LSM14B: variants seen among roughly 807,000 people sequenced by gnomAD.
LSM14B encodes protein LSM14 homolog B.
In LSM14B, 8 loss-of-function variants were observed where a neutral mutation model predicts 42.1. That is an observed-to-expected ratio of 0.19 (90% CI 0.11 to 0.34). The LOEUF is 0.34. LSM14B is among the 10% of genes least tolerant of loss of function. The probability of loss-of-function intolerance (pLI) is 1.00; values close to 1 mark genes in which losing one functional copy is unlikely to be tolerated. For synonymous variants in LSM14B, 219 were observed against 209.7 expected (o/e 1.04, Z -0.38); for missense variants, 396 against 513.1 (o/e 0.77, Z 2.21).
At chr20:62,133,074 C>T (rs750742642) in intron 7 of LSM14B, among the ~76,000 whole-genome samples, 10 of 152,252 alleles carry the variant, frequency 6.6e-5, no homozygotes, top group Middle Eastern at 3.4e-3. Context: ...AGATGGATCC[C>T]GATCCCCGGC....
chr20:62,127,440 C>G (rs1179506824), intron 3 of LSM14B: 2 of 636,522 alleles, frequency 3.1e-6, no homozygotes, highest in Non-Finnish European at 5.5e-6. Context: ...CCCAGCCCAG[C>G]TCTCTGGGTT....
chr20:62,134,556 C>T lies in LSM14B; in HGVS notation c.*408C>T, dbSNP rs895891761. ...TGGCAGAGGTGGCAGCCAAGTACAT[C>T]TCTGTAACCCAGCTGGCCCCTGGTG... On this transcript the variant is annotated 3_prime_UTR_variant, in exon 9 of 9. Transcript: ENST00000279068. The T allele has an allele frequency of 1.7e-5, 5 of 288,458 alleles. No individual in the cohort carries two copies. The highest frequency in any genetic ancestry group is 2.6e-5 in the Non-Finnish European group (4 of 151,844). 17.9% of individuals were successfully genotyped at this position (288,458 alleles called of 1,614,324 possible). A position where few individuals can be genotyped will look rare whatever the true frequency, so the allele number is the denominator to read the frequency against.
At chr20:62,124,528 C>T (rs529435916) in intron 1 of LSM14B, 89 bp from the exon 2 acceptor site, 7 of 1,429,782 alleles carry the variant, frequency 4.9e-6, no homozygotes, top group East Asian at 4.6e-5. Context: ...CAAGTGTCGC[C>T]GTCTTTTGGA....
chr20:62,126,382 G>A lies in LSM14B; in HGVS notation c.370G>A (p.Gly124Ser), dbSNP rs764265111. 7 of 1,612,298 alleles carry A rather than the reference G, an allele frequency of 4.3e-6. No homozygotes were observed. Among genetic ancestry groups the A allele is most frequent in the Admixed American group, 1.7e-5 (1 of 59,974 alleles). Residue 124 changes from glycine to serine, a missense_variant, in exon 3 of 9, where the codon GGC becomes AGC. Transcript: ENST00000279068. ...CCCTTTCCGAGGGATGGCGCCCTACGGCCCGCTGGCGGCCAGCTCCCTGCT... is the reference window on the plus strand; with the variant it reads ...CCCTTTCCGAGGGATGGCGCCCTACAGCCCGCTGGCGGCCAGCTCCCTGCT... ...YSPFRGMAPYGPLAASSLLSQ... is the reference protein window; with the variant it reads ...YSPFRGMAPYSPLAASSLLSQ...
intron 3 of LSM14B, 104 bp downstream of exon 3, chr20:62,126,543 C>G: frequency 7.0e-7 from 1 of 1,421,390 alleles, no homozygotes; most frequent in Non-Finnish European, 9.5e-7. Context: ...TCATGCTCAG[C>G]TTGTAGACTG....
intron 8 of LSM14B, among the ~76,000 whole-genome samples, chr20:62,133,723 G>A (rs989391992): frequency 6.6e-6 from 1 of 152,248 alleles, no homozygotes; most frequent in African/African-American, 2.4e-5. Flanking sequence ...TATGGGAGGT[G>A]AGGTGGTGCG....
In LSM14B at chr20:62,122,772, T is replaced by C; in HGVS notation, c.106T>C (p.Ser36Pro). The C allele has an allele frequency of 6.6e-7, 1 of 1,506,420 alleles. No homozygotes were observed. The highest frequency in any genetic ancestry group is 8.9e-7 in the Non-Finnish European group (1 of 1,121,800). 93.3% of individuals were successfully genotyped at this position (1,506,420 alleles called of 1,614,324 possible). A position where few individuals can be genotyped will look rare whatever the true frequency, so the allele number is the denominator to read the frequency against. ...GILYTIDTDN[S>P]TVALAKVRSF... ...TCTCTACACCATCGACACCGACAACTCCACCGTGGCGCTCGCCAAAGGTAG... is the reference window on the plus strand; with the variant it reads ...TCTCTACACCATCGACACCGACAACCCCACCGTGGCGCTCGCCAAAGGTAG... Residue 36 changes from serine to proline, a missense_variant, in exon 1 of 9, where the codon TCC (serine) becomes CCC (proline). Physicochemically the swap from Ser to Pro is moderately conservative, Grantham distance 74. Around this residue, in one of 3 missense-constraint regions of LSM14B, gnomAD observed 274 missense variants for 335.8 expected, o/e 0.82. Coordinates refer to ENST00000279068, the MANE Select transcript of LSM14B (RefSeq NM_144703.3). The surrounding 1 kb of genome is among the most constrained non-coding windows in gnomAD (Gnocchi z 4.6).
In LSM14B at chr20:62,122,591, C is replaced by T. The variant is rs1443902403; in HGVS notation, c.-76C>T. 1.1e-5 allele frequency: 11 copies of T among 1,010,014 alleles called. No homozygotes were observed. Among genetic ancestry groups the T allele is most frequent in the Non-Finnish European group, 1.3e-5 (11 of 838,962 alleles). 62.6% of individuals were successfully genotyped at this position (1,010,014 alleles called of 1,614,324 possible). A position where few individuals can be genotyped will look rare whatever the true frequency, so the allele number is the denominator to read the frequency against. On this transcript the variant is annotated 5_prime_UTR_variant, in exon 1 of 9. Coordinates refer to ENST00000279068, the MANE Select transcript of LSM14B (RefSeq NM_144703.3). This position sits in a 1 kb window ranked among gnomAD's most constrained non-coding sequence, Gnocchi z 4.6. ...AGGAGCGCAGGAGCGGGCGGCCAGGCCACCGCGCGGCGGCGGAGCGGGCCG... is the reference window on the plus strand; with the variant it reads ...AGGAGCGCAGGAGCGGGCGGCCAGGTCACCGCGCGGCGGCGGAGCGGGCCG...
rs1307593857 is a variant in LSM14B, at chr20:62,129,782, C to T, written c.428-3C>T. ...TTAAACCCTCCTCCCCTCCTCAATT[C>T]AGGAGCTGGTTTTCCATCCATCCCA... is the stretch of plus-strand genomic sequence containing the variant. On this transcript the variant is annotated splice_region_variant and splice_polypyrimidine_tract_variant and intron_variant, in intron 3 of 8. Transcript: ENST00000279068. 2.5e-6 allele frequency: 4 copies of T among 1,606,928 alleles called. No homozygotes were observed. The highest frequency in any genetic ancestry group is 2.2e-5 in the South Asian group (2 of 89,812).
chr20:62,125,631 A>C (rs2056573215), intron 2 of LSM14B, among the ~76,000 whole-genome samples: 1 of 152,202 alleles, frequency 6.6e-6, no homozygotes. Flanking sequence ...CTTCACTTCT[A>C]AATTTAAATA....
Position 62,122,791 on chromosome 20 carries a change from A to G in LSM14B, c.125A>G (p.Lys42Arg). The change falls in exon 1 of 9, where the codon AAA (lysine) becomes AGA (arginine). Residue 42 changes from lysine (K) to arginine (R), a missense_variant and splice_region_variant. Physicochemically the swap from Lys to Arg is conservative, Grantham distance 26. Around this residue, in one of 3 missense-constraint regions of LSM14B, gnomAD observed 274 missense variants for 335.8 expected, o/e 0.82. Transcript: ENST00000279068. The surrounding 1 kb of genome is among the most constrained non-coding windows in gnomAD (Gnocchi z 4.6). Reference protein sequence around the residue: ...DTDNSTVALAKVRSFGTEDRP... With the variant: ...DTDNSTVALARVRSFGTEDRP... ...GACAACTCCACCGTGGCGCTCGCCA[A>G]AGGTAGCGGCCGCCGCCCGCCCGAG... The G allele has an allele frequency of 1.3e-6, 2 of 1,496,270 alleles. No homozygotes were observed. The highest frequency in any genetic ancestry group is 1.2e-5 in the South Asian group (1 of 82,276). 92.7% of individuals were successfully genotyped at this position (1,496,270 alleles called of 1,614,324 possible). A position where few individuals can be genotyped will look rare whatever the true frequency, so the allele number is the denominator to read the frequency against.
chr20:62,124,588 A>C (rs1374072362), intron 1 of LSM14B, 29 bp from the exon 2 acceptor site: 1 of 1,608,320 alleles, frequency 6.2e-7, no homozygotes, highest in East Asian at 2.2e-5. Context: ...TGAGGACAAC[A>C]ATAACGCTTC....
In LSM14B at chr20:62,122,918, G is replaced by A. The variant is rs2056445989; in HGVS notation, c.127+125G>A. 3.5e-6 allele frequency: 3 copies of A among 868,252 alleles called. No individual in the cohort carries two copies. The allele number at this position is 868,252 out of a possible 1,614,324, so 53.8% of individuals were successfully genotyped here. Reference sequence around the variant, plus strand: ...CAGACCCCGCCCAGAACCCACCCAGGGCACACCCGGCCCGAGATCCCCTGC... The same window carrying A: ...CAGACCCCGCCCAGAACCCACCCAGAGCACACCCGGCCCGAGATCCCCTGC... On this transcript the variant is annotated intron_variant, in intron 1 of 8. Coordinates refer to ENST00000279068, the MANE Select transcript of LSM14B (RefSeq NM_144703.3). The surrounding 1 kb of genome is among the most constrained non-coding windows in gnomAD (Gnocchi z 4.6).
intron 3 of LSM14B, chr20:62,127,993 AT>A: frequency 1.6e-6 from 1 of 615,874 alleles, no homozygotes; most frequent in South Asian, 1.9e-5. Context: ...ACAGAAAGTC[AT>A]TTCCCTGGGG....
chr20:62,129,411 G>A (rs2056698141), intron 3 of LSM14B, among the ~76,000 whole-genome samples: 1 of 152,188 alleles, frequency 6.6e-6, no homozygotes, highest in Admixed American at 6.5e-5. Flanking sequence ...GGGCTGCTGA[G>A]CTCCTTTGGG....
At chr20:62,126,794 C>T (rs949753982) in intron 3 of LSM14B, among the ~76,000 whole-genome samples, 4 of 151,978 alleles carry the variant, frequency 2.6e-5, no homozygotes, top group Admixed American at 6.6e-5. Context: ...GTCAGGAGTT[C>T]GAGACCAGCC....
chr20:62,131,061 G>T (rs2056753471), intron 6 of LSM14B, among the ~76,000 whole-genome samples: 1 of 152,198 alleles, frequency 6.6e-6, no homozygotes, highest in Non-Finnish European at 1.5e-5. Flanking sequence ...GGAAAAGGAA[G>T]AGATGCCTAG....
At position 62,124,662 on chromosome 20, in the gene LSM14B, C is replaced by G; in HGVS notation, c.173C>G (p.Pro58Arg). ...TEDRPTDRPA[P>R]PREEIYEYII... is the part of the protein sequence containing the mutation. ...GACCGTCCCACAGATAGGCCTGCGC[C>G]CCCCAGAGAGGAGATTTATGAGTAC... The change falls in exon 2 of 9, where the codon CCC (proline) becomes CGC (arginine). Residue 58 changes from proline to arginine, a missense_variant. Transcript: ENST00000279068. The G allele has an allele frequency of 6.2e-7, 1 of 1,613,898 alleles. No homozygotes were observed. Among genetic ancestry groups the G allele is most frequent in the Non-Finnish European group, 8.5e-7 (1 of 1,179,860 alleles).
At position 62,132,691 on chromosome 20, in the gene LSM14B, C is replaced by T. The variant is rs115775737; in HGVS notation, c.987-599C>T. The stretch of plus-strand genomic sequence containing the variant: ...GAAGTCTGTGGGAGCAGCAGGTTTC[C>T]GGCTGAAGAGGAGCTCAGGGTGGGT... On this transcript the variant is annotated intron_variant, in intron 7 of 8. Transcript: ENST00000279068. Among the ~76,000 whole-genome samples the T allele has an allele frequency of 3.9e-3, 595 of 152,252 alleles. 3 individuals are homozygous for T. The highest frequency in any genetic ancestry group is 0.012 in the African/African-American group (517 of 41,544).
Sources: allele counts gnomAD v4.1 joint callset (sites outside exome capture counted in the v4.1 genomes callset), GRCh38; gene constraint gnomAD v4.1.1; regional missense constraint gnomAD v4.1.1; non-coding constraint Gnocchi (gnomAD v3.1); transcripts MANE v1.5; gene names NCBI Gene and HGNC (gene_info 2026-07-23, HGNC 2026-07-21).